Variants in DPEP2 observed in about 807,000 individuals in gnomAD.
DPEP2 encodes the protein dipeptidase 2.
DPEP2 carries 45 observed loss-of-function variants against 51.8 expected under a neutral mutation model. The observed-to-expected ratio is 0.87, with a 90% CI of 0.68 to 1.11. The LOEUF (loss-of-function observed/expected upper bound fraction) is 1.11, where lower values mean the gene tolerates loss of function less well. Ranked by LOEUF, DPEP2 falls within the 50% of genes most tolerant of loss-of-function variation. The pLI, the probability that DPEP2 is intolerant of heterozygous loss-of-function variation, is 0.00. For synonymous variants in DPEP2, 255 were observed against 262.7 expected, an observed-to-expected ratio of 0.97 and a Z score of 0.28; for missense variants, 604 against 631.9, an observed-to-expected ratio of 0.96 and a Z score of 0.47.
Position 67,989,430 on chromosome 16 carries a change from G to A in DPEP2, c.995-32C>T, listed in dbSNP as rs145489185. On this transcript the variant is annotated intron_variant, in intron 8 of 10. Transcript: ENST00000393847. ...AGGGGGAAGGTGGACAGTCAGCTGC[G>A]TAGGGCTTCCAGGGCAGGGGTGCCA... 42 of 1,612,252 alleles carry A rather than the reference G, an allele frequency of 2.6e-5. No homozygotes were observed. The East Asian group carries it at 3.6e-4, about 14-fold the overall frequency.
chr16:67,998,279 G>T (rs1326623330), intron 1 of DPEP2, among the ~76,000 whole-genome samples: 1 of 150,208 alleles, frequency 6.7e-6, no homozygotes, highest in Non-Finnish European at 1.5e-5. Flanking sequence ...GTTTCGGGTG[G>T]GCGTGGGCTT....
At chr16:67,995,105 G>T (rs1598278622) in intron 1 of DPEP2, among the ~76,000 whole-genome samples, 4 of 152,180 alleles carry the variant, frequency 2.6e-5, no homozygotes, top group Admixed American at 2.6e-4. Flanking sequence ...TTGCCATGTT[G>T]CCCAGGCTGG....
chr16:67,997,018 T>C (rs12935473), intron 1 of DPEP2, among the ~76,000 whole-genome samples: 2 of 144,646 alleles, frequency 1.4e-5, no homozygotes, highest in South Asian at 4.3e-4. Flanking sequence ...TTATTATTAT[T>C]ATTATTATTA....
chr16:67,993,854 C>T (rs1411958265), intron 1 of DPEP2: 2 of 985,354 alleles, frequency 2.0e-6, no homozygotes, highest in African/African-American at 3.5e-5. Context: ...TGGCCCTGAC[C>T]TTCTCTCTCC....
At chr16:67,993,619 A>G (rs1276864034) in intron 1 of DPEP2, 4 of 994,496 alleles carry the variant, frequency 4.0e-6, no homozygotes, top group East Asian at 1.1e-4. Flanking sequence ...TGCTTCCCCC[A>G]AACAGTGGCC....
At chr16:67,992,681 G>A (rs982443488) in intron 2 of DPEP2, 45 bp from the exon 3 acceptor site, 2 of 1,595,752 alleles carry the variant, frequency 1.3e-6, no homozygotes, top group South Asian at 2.2e-5. Flanking sequence ...CAGACAGATG[G>A]GCCTCTTAGC....
At chr16:67,988,610 A>G (rs1489897561) in intron 9 of DPEP2, among the ~76,000 whole-genome samples, 2 of 151,418 alleles carry the variant, frequency 1.3e-5, no homozygotes, top group Non-Finnish European at 2.9e-5. Flanking sequence ...CTCAAAAAAA[A>G]AAAAAAGAAA....
chr16:67,989,040 CTG>C (rs1342244749), intron 9 of DPEP2, among the ~76,000 whole-genome samples: 4 of 152,210 alleles, frequency 2.6e-5, no homozygotes, highest in South Asian at 2.1e-4. Context: ...AACACAGCCA[CTG>C]TGCACAGGGC....
In DPEP2 at chr16:67,996,568, G is replaced by C. The variant is rs531475878; in HGVS notation, c.-46+2807C>G. Among the ~76,000 whole-genome samples, 979 of 152,178 alleles carry C rather than the reference G, an allele frequency of 6.4e-3. 10 individuals carry two copies. Among genetic ancestry groups the C allele is most frequent in the Non-Finnish European group, 0.011 (765 of 68,018 alleles). ...GGCTAATTTTGTATTTTTTAGTAGAGATGGGGTTTCTCCATTTTGTTCAGG... is the reference window on the plus strand; with the variant it reads ...GGCTAATTTTGTATTTTTTAGTAGACATGGGGTTTCTCCATTTTGTTCAGG... On this transcript the variant is annotated intron_variant, in intron 1 of 10. Transcript: ENST00000393847.
intron 1 of DPEP2, among the ~76,000 whole-genome samples, chr16:67,998,273 C>T (rs906852417): frequency 6.6e-6 from 1 of 150,846 alleles, no homozygotes; most frequent in African/African-American, 2.4e-5. Context: ...GCTGGAGTTT[C>T]GGGTGGGCGT....
At chr16:67,992,736 T>C in intron 2 of DPEP2, 100 bp from the exon 3 acceptor site, 3 of 1,544,304 alleles carry the variant, frequency 1.9e-6, no homozygotes, top group Non-Finnish European at 1.8e-6. Flanking sequence ...CATCCCTCAT[T>C]GTCACATGAC....
intron 1 of DPEP2, among the ~76,000 whole-genome samples, chr16:67,999,067 T>G (rs1024732808): frequency 1.3e-4 from 20 of 152,164 alleles, no homozygotes; most frequent in African/African-American, 3.9e-4. Flanking sequence ...CTGGTCCCCT[T>G]CCACACTGTG....
Position 67,991,036 on chromosome 16 carries a change from C to T in DPEP2, c.733-39G>A, listed in dbSNP as rs1461219181. 3.7e-6 allele frequency: 6 copies of T among 1,613,956 alleles called. No individual in the cohort carries two copies. Among genetic ancestry groups the T allele is most frequent in the African/African-American group, 1.3e-5 (1 of 75,062 alleles). On this transcript the variant is annotated intron_variant, in intron 6 of 10. Transcript: ENST00000393847. This position sits in a 1 kb window ranked among gnomAD's most constrained non-coding sequence, Gnocchi z 5.1. The stretch of plus-strand genomic sequence containing the variant: ...TTGGGAGAAGGGTATCAGGGGTGCA[C>T]ATGTGTATACATTTATTTGTAAGAA...
Position 67,991,362 on chromosome 16 carries a change from T to C in DPEP2, c.663-178A>G, listed in dbSNP as rs1026357583. ...GGCCCTGCTGGGTCCAGTCTTTTTT[T>C]TCCTTTTCTTTTTTTTTTTTTTTTG... is the stretch of plus-strand genomic sequence containing the variant. On this transcript the variant is annotated intron_variant, in intron 5 of 10. Transcript: ENST00000393847. This position sits in a 1 kb window ranked among gnomAD's most constrained non-coding sequence, Gnocchi z 5.1. 8.6e-5 allele frequency among the ~76,000 whole-genome samples: 13 copies of C among 151,390 alleles called. No individual in the cohort carries two copies. The highest frequency in any genetic ancestry group is 3.2e-4 in the African/African-American group (13 of 41,180).
At position 67,992,866 on chromosome 16, in the gene DPEP2, C is replaced by T. The variant is rs2032349532; in HGVS notation, c.263+84G>A. 8.6e-6 allele frequency: 13 copies of T among 1,508,936 alleles called. No homozygotes were observed. In the South Asian group the frequency reaches 1.5e-4, roughly 18 times the overall value. 93.5% of individuals were successfully genotyped at this position (1,508,936 alleles called of 1,614,324 possible). A position where few individuals can be genotyped will look rare whatever the true frequency, so the allele number is the denominator to read the frequency against. ...ATCCAGGGGTGGTGTGAGGGAGCCT[C>T]CTCCACAGCCCTGCATACTCTGGGA... On this transcript the variant is annotated intron_variant, in intron 2 of 10. Coordinates refer to ENST00000393847, the MANE Select transcript of DPEP2 (RefSeq NM_022355.4).
intron 2 of DPEP2, 133 bp from the exon 3 acceptor site, chr16:67,992,769 C>G (rs1260946783): frequency 2.0e-6 from 3 of 1,501,948 alleles, no homozygotes; most frequent in Non-Finnish European, 2.7e-6. Context: ...CCCTGAGGCC[C>G]GGGCTAGGAG....
chr16:67,988,866 T>G (rs1210804622), intron 9 of DPEP2, among the ~76,000 whole-genome samples: 1 of 151,658 alleles, frequency 6.6e-6, no homozygotes, highest in Non-Finnish European at 1.5e-5. Context: ...GAGCCAAGAT[T>G]GCGCCACTGC....
Position 67,991,437 on chromosome 16 carries a change from G to A in DPEP2, c.663-253C>T, listed in dbSNP as rs138770216. ...CAGGCAGGAGTGCAGTGGTGCTGTC[G>A]TGCCATCTCAGCTCACTGAAACCTG... On this transcript the variant is annotated intron_variant, in intron 5 of 10. Transcript: ENST00000393847. The surrounding 1 kb of genome is among the most constrained non-coding windows in gnomAD (Gnocchi z 5.1). 2.0e-5 allele frequency among the ~76,000 whole-genome samples: 3 copies of A among 149,058 alleles called. No homozygotes were observed. Among genetic ancestry groups the A allele is most frequent in the East Asian group, 2.0e-4 (1 of 5,076 alleles).
intron 3 of DPEP2, 87 bp downstream of exon 3, chr16:67,992,423 G>A: frequency 6.5e-7 from 1 of 1,532,688 alleles, no homozygotes; most frequent in Non-Finnish European, 8.8e-7. Context: ...GAGTTCTCAT[G>A]TGACTAACTT....
Sources: allele counts gnomAD v4.1 joint callset (sites outside exome capture counted in the v4.1 genomes callset), GRCh38; gene constraint gnomAD v4.1.1; non-coding constraint Gnocchi (gnomAD v3.1); transcripts MANE v1.5; gene names NCBI Gene and HGNC (gene_info 2026-07-23, HGNC 2026-07-21).